The following TMCO4 variants were observed in gnomAD, a reference collection of about 807,000 sequenced individuals.
The protein encoded by TMCO4 is transmembrane and coiled-coil domain-containing protein 4.
Under a neutral mutation model 64.7 loss-of-function variants are expected in TMCO4, and 58 were observed. The ratio of observed to expected loss-of-function variants is 0.90; its 90% confidence interval spans 0.73 to 1.12. The LOEUF is 1.12. Among genes scored for constraint, TMCO4 ranks in the 50% most tolerant of loss-of-function variants. TMCO4 has a pLI of 0.00. For missense variants in TMCO4, 780 were observed against 825.9 expected (o/e 0.94, Z 0.68); for synonymous variants, 325 against 346.1 (o/e 0.94, Z 0.68).
chr1:19,688,469 T>A (rs2095167149), intron 15 of TMCO4, among the ~76,000 whole-genome samples: 1 of 152,192 alleles, frequency 6.6e-6, no homozygotes, highest in African/African-American at 2.4e-5. Flanking sequence ...CCCTTTGGGT[T>A]CTTTCACTTC....
At position 19,747,170 on chromosome 1, in the gene TMCO4, C is replaced by T. The variant is rs139841739; in HGVS notation, c.606G>A (p.Thr202=). 34 of 1,613,794 alleles carry T rather than the reference C, an allele frequency of 2.1e-5. No homozygotes were observed. Among genetic ancestry groups the T allele is most frequent in the African/African-American group, 5.3e-5 (4 of 74,914 alleles). Residue 202 remains threonine (T), a synonymous_variant, in exon 8 of 16, where the codon ACG becomes ACA. Coordinates refer to ENST00000294543, the MANE Select transcript of TMCO4 (RefSeq NM_181719.7). ...ATCTCTAGCTGGACTCACCGATCACCGTTCCGCCTCCGACAGTCGCCAGGC... is the reference window on the plus strand; with the variant it reads ...ATCTCTAGCTGGACTCACCGATCACTGTTCCGCCTCCGACAGTCGCCAGGC... The part of the protein sequence containing the change: ...LIGLATVGGG[T]VIGVTGGLAA...
At chr1:19,719,424 T>C (rs1179357252) in intron 13 of TMCO4, among the ~76,000 whole-genome samples, 2 of 152,186 alleles carry the variant, frequency 1.3e-5, no homozygotes, top group East Asian at 3.9e-4. Context: ...AATAGTTCAG[T>C]TACAGCACTG....
At chr1:19,706,727 C>G (rs2095305001) in intron 13 of TMCO4, among the ~76,000 whole-genome samples, 1 of 152,174 alleles carries the variant, frequency 6.6e-6, no homozygotes, top group African/African-American at 2.4e-5. Context: ...GTCTTTACCC[C>G]TCAGCTCTTA....
intron 2 of TMCO4, among the ~76,000 whole-genome samples, chr1:19,791,228 GGCT>G (rs1571062540): frequency 6.6e-6 from 1 of 151,786 alleles, no homozygotes; most frequent in African/African-American, 2.4e-5. Context: ...CTAGGTGATG[GGCT>G]GCTAAGTGCA....
In TMCO4 at chr1:19,719,221, G is replaced by A. The variant is rs75133314; in HGVS notation, c.1264+18151C>T. On this transcript the variant is annotated intron_variant, in intron 13 of 15. Coordinates refer to ENST00000294543, the MANE Select transcript of TMCO4 (RefSeq NM_181719.7). ...CAGCTAGCCCAAGGCAGAGACATCCGAGGCTCTGTTGGCTAATTATGTTTG... is the reference window on the plus strand; with the variant it reads ...CAGCTAGCCCAAGGCAGAGACATCCAAGGCTCTGTTGGCTAATTATGTTTG... Among the ~76,000 whole-genome samples, 193 of 152,214 alleles carry A rather than the reference G, an allele frequency of 1.3e-3. 3 individuals carry two copies. Among genetic ancestry groups the A allele is most frequent in the Non-Finnish European group, 9.3e-4 (63 of 67,998 alleles).
chr1:19,789,737 A>C (rs1445934326), intron 2 of TMCO4, among the ~76,000 whole-genome samples: 1 of 152,118 alleles, frequency 6.6e-6, no homozygotes, highest in African/African-American at 2.4e-5. Flanking sequence ...AGTCCCATAC[A>C]TTTGACCAAT....
At chr1:19,695,098 G>A (rs1295201826) in intron 14 of TMCO4, among the ~76,000 whole-genome samples, 1 of 152,178 alleles carries the variant, frequency 6.6e-6, no homozygotes, top group Non-Finnish European at 1.5e-5. Flanking sequence ...CAGGCTGCAG[G>A]TCTCCCTGCC....
chr1:19,738,651 C>T (rs2095466321), intron 12 of TMCO4, among the ~76,000 whole-genome samples: 1 of 152,230 alleles, frequency 6.6e-6, no homozygotes. Context: ...GCCTTAGAGT[C>T]AAGCCTGCCG....
In TMCO4 at chr1:19,743,051, A is replaced by G. The variant is rs1272882172; in HGVS notation, c.878-2110T>C. On this transcript the variant is annotated intron_variant, in intron 10 of 15. Transcript: ENST00000294543. The surrounding 1 kb of genome is among the most constrained non-coding windows in gnomAD (Gnocchi z 4.1). ...GTGATACAGCAAGACTCCGTCTCCAAAAGAAAATAAAAATAAAAAAAATAA... is the reference window on the plus strand; with the variant it reads ...GTGATACAGCAAGACTCCGTCTCCAGAAGAAAATAAAAATAAAAAAAATAA... Among the ~76,000 whole-genome samples, 14 of 152,202 alleles carry G rather than the reference A, an allele frequency of 9.2e-5. No homozygotes were observed. Among genetic ancestry groups the G allele is most frequent in the Admixed American group, 7.2e-4 (11 of 15,284 alleles).
chr1:19,775,988 A>AC (rs1174264962), intron 4 of TMCO4, among the ~76,000 whole-genome samples: 5 of 151,982 alleles, frequency 3.3e-5, no homozygotes, highest in African/African-American at 1.2e-4. Flanking sequence ...ACTCACTGCA[A>AC]CCCCCACCTC....
chr1:19,740,996 AC>A, intron 10 of TMCO4, 55 bp from the exon 11 acceptor site: 1 of 1,502,216 alleles, frequency 6.7e-7, no homozygotes, highest in South Asian at 1.3e-5. Flanking sequence ...AGGATGCCCC[AC>A]CCCAGTACCC....
rs536695273 is a variant in TMCO4 at position 19,757,281 on chromosome 1, G to A, written c.383-1515C>T. ...AGGCCGGATATTCTAAAATCACAGT[G>A]TTAGCAAGGAGAGAATCTGTTTTCT... On this transcript the variant is annotated intron_variant, in intron 6 of 15. Transcript: ENST00000294543. 8.5e-5 allele frequency among the ~76,000 whole-genome samples: 13 copies of A among 152,190 alleles called. No homozygotes were observed. In the South Asian group the frequency reaches 2.3e-3, roughly 27 times the overall value.
chr1:19,683,215 G>C lies in TMCO4; in HGVS notation c.1730C>G (p.Thr577Arg), dbSNP rs753574106. Residue 577 changes from threonine (T) to arginine (R), a missense_variant, in exon 16 of 16, where the codon ACA becomes AGA. Physicochemically the swap from Thr to Arg is moderately conservative, Grantham distance 71. Transcript: ENST00000294543. Reference sequence around the variant, plus strand: ...TGGCACCTGGGCTTGGCTGGGGTCTGTGGACATGGCCAATTTGGAGGTGTC... The same window carrying C: ...TGGCACCTGGGCTTGGCTGGGGTCTCTGGACATGGCCAATTTGGAGGTGTC... ...SGDTSKLAMS[T>R]DPSQAQVPVG... 6.2e-7 allele frequency: 1 copy of C among 1,614,090 alleles called. No homozygotes were observed. The highest frequency in any genetic ancestry group is 1.3e-5 in the African/African-American group (1 of 74,944).
intron 15 of TMCO4, among the ~76,000 whole-genome samples, chr1:19,689,855 C>G (rs530032140): frequency 1.3e-5 from 2 of 152,366 alleles, no homozygotes; most frequent in African/African-American, 4.8e-5. Flanking sequence ...GGCATCAGCT[C>G]TGAGCCCTGT....
intron 6 of TMCO4, among the ~76,000 whole-genome samples, chr1:19,767,248 C>T (rs534024557): frequency 1.3e-4 from 20 of 152,098 alleles, no homozygotes; most frequent in Non-Finnish European, 2.2e-4. Flanking sequence ...AAAGTGGGAA[C>T]GCCTACATTT....
chr1:19,747,995 T>C (rs764599581), intron 7 of TMCO4, among the ~76,000 whole-genome samples: 1 of 152,190 alleles, frequency 6.6e-6, no homozygotes, highest in Non-Finnish European at 1.5e-5. Flanking sequence ...TAGCAAAGCA[T>C]GGTGATAATC....
rs901971479 is a variant in TMCO4 at position 19,739,743 on chromosome 1, T to C, written c.1179+81A>G. 21 of 1,545,956 alleles carry C rather than the reference T, an allele frequency of 1.4e-5. No homozygotes were observed. The African/African-American group carries it at 1.9e-4, about 14-fold the overall frequency. ...AGTTATCTCCAAGTAGCCTTGCCTC[T>C]AAGGCTGATATCTGTGAACAAGTCA... On this transcript the variant is annotated intron_variant, in intron 12 of 15. Transcript: ENST00000294543.
rs2095235838 is a variant in TMCO4, at chr1:19,696,233, G to A, written c.1383-1682C>T. ...AGGTACCGATGATTATCCTAATATT[G>A]AGGGTCCAAGAAGCACTGTCTAAGA... On this transcript the variant is annotated intron_variant, in intron 14 of 15. Coordinates refer to ENST00000294543, the MANE Select transcript of TMCO4 (RefSeq NM_181719.7). Among the ~76,000 whole-genome samples, 3 of 152,160 alleles carry A rather than the reference G, an allele frequency of 2.0e-5. No individual in the cohort carries two copies. The South Asian group carries it at 6.2e-4, about 31-fold the overall frequency.
At position 19,702,284 on chromosome 1, in the gene TMCO4, A is replaced by C. The variant is rs772959728; in HGVS notation, c.1265-1399T>G. Among the ~76,000 whole-genome samples the C allele has an allele frequency of 2.7e-4, 35 of 127,496 alleles. 1 individual carries two copies. Among genetic ancestry groups the C allele is most frequent in the Middle Eastern group, 3.7e-3 (1 of 268 alleles). 83.6% of individuals were successfully genotyped at this position (127,496 alleles called of 152,430 possible). Reference sequence around the variant, plus strand: ...GTGCCTGGCCGAGACTCTTGTCTTTACAAAAAAAAAAAAAAAAAAAGTCAG... The same window carrying C: ...GTGCCTGGCCGAGACTCTTGTCTTTCCAAAAAAAAAAAAAAAAAAAGTCAG... On this transcript the variant is annotated intron_variant, in intron 13 of 15. Transcript: ENST00000294543.
Sources: gnomAD v4.1 joint callset for allele counts (sites outside exome capture counted in the v4.1 genomes callset) on GRCh38, gnomAD v4.1.1 for gene constraint, Gnocchi (gnomAD v3.1) non-coding constraint, MANE v1.5 for transcripts, NCBI Gene and HGNC (gene_info 2026-07-23, HGNC 2026-07-21) for gene names.